The following ASIC4 variants were observed in gnomAD, a reference collection of about 807,000 sequenced individuals.
ASIC4 encodes acid-sensing ion channel 4.
In ASIC4, 28 loss-of-function variants were observed where a neutral mutation model predicts 53.4. The observed-to-expected ratio is 0.52, with a 90% confidence interval of 0.39 to 0.72. The LOEUF is 0.72. Ranked by LOEUF, ASIC4 falls within the 30% of genes least tolerant of loss-of-function variation. The pLI, the probability that ASIC4 is intolerant of heterozygous loss-of-function variation, is 0.00. For synonymous variants in ASIC4, 289 were observed against 301.4 expected, an observed-to-expected ratio of 0.96 and a Z score of 0.43; for missense variants, 649 against 729.7, an observed-to-expected ratio of 0.89 and a Z score of 1.27.
chr2:219,537,462 G>A lies in ASIC4; in HGVS notation c.1401+141G>A, dbSNP rs73993406. On this transcript the variant is annotated intron_variant, in intron 8 of 9. Coordinates refer to ENST00000358078, the MANE Select transcript of ASIC4 (RefSeq NM_018674.6). The surrounding 1 kb of genome is among the most constrained non-coding windows in gnomAD (Gnocchi z 4.9). ...GCCAGGGTCCCCTGACTGGCTGGCA[G>A]GCCTGAGGGCTCAGAGTCAGGAGAA... The A allele has an allele frequency of 3.1e-4, 353 of 1,141,774 alleles. 2 individuals are homozygous for A. In the African/African-American group the frequency reaches 5.1e-3, roughly 17 times the overall value. 70.7% of individuals were successfully genotyped at this position (1,141,774 alleles called of 1,614,324 possible).
At position 219,537,771 on chromosome 2, in the gene ASIC4, CCA is replaced by C. The variant is rs1559121388; in HGVS notation, c.1506+39_1506+40del. ...AGCTCTAAATGCCTGCAGCATGCAGCCACACCTCCCCAGGACTGAATACATCC... is the reference window on the plus strand; with the variant it reads ...AGCTCTAAATGCCTGCAGCATGCAGCCACCTCCCCAGGACTGAATACATCC... On this transcript the variant is annotated intron_variant, in intron 9 of 9. Coordinates refer to ENST00000358078, the MANE Select transcript of ASIC4 (RefSeq NM_018674.6). This position sits in a 1 kb window ranked among gnomAD's most constrained non-coding sequence, Gnocchi z 4.9. 1.9e-6 allele frequency: 3 copies of C among 1,579,704 alleles called. No individual in the cohort carries two copies. The Admixed American group carries it at 5.3e-5, about 28-fold the overall frequency.
rs1359930485 is a variant in ASIC4 at position 219,538,536 on chromosome 2, C to T, written c.*490C>T. On this transcript the variant is annotated 3_prime_UTR_variant, in exon 10 of 10. Coordinates refer to ENST00000358078, the MANE Select transcript of ASIC4 (RefSeq NM_018674.6). ...TGGGCTGGTCCTACTTCCTGCCCCT[C>T]TCCAGGCCCAGCTCCCCTCTTGGCA... The T allele has an allele frequency of 6.1e-6, 1 of 163,708 alleles. No homozygotes were observed. The highest frequency in any genetic ancestry group is 5.7e-5 in the Admixed American group (1 of 17,488). The allele number at this position is 163,708 out of a possible 1,614,324, so 10.1% of individuals were successfully genotyped here.
intron 1 of ASIC4, among the ~76,000 whole-genome samples, chr2:219,530,810 GC>G (rs1695030423): frequency 6.6e-6 from 1 of 152,180 alleles, no homozygotes; most frequent in African/African-American, 2.4e-5. Flanking sequence ...GCAGGCAAGG[GC>G]CACATCACAT....
At chr2:219,521,259 C>T (rs895684829) in intron 1 of ASIC4, among the ~76,000 whole-genome samples, 6 of 152,228 alleles carry the variant, frequency 3.9e-5, no homozygotes, top group East Asian at 1.9e-4. Flanking sequence ...TCAGCAGCCC[C>T]GTGGCCTCTT....
intron 5 of ASIC4, chr2:219,533,418 G>GATA: frequency 5.5e-6 from 1 of 181,018 alleles, no homozygotes; most frequent in South Asian, 1.4e-4. Flanking sequence ...GGTGAGAGTG[G>GATA]GGGCGACAGC....
Position 219,531,857 on chromosome 2 carries a change from C to A in ASIC4, c.682C>A (p.Leu228Met), listed in dbSNP as rs1695046976. ...CATGGGCAGTGGCCTGGAGATCATG[C>A]TGGACATCCAGCAGGAGGAGTACCT... is the stretch of plus-strand genomic sequence containing the variant. ...GGMGSGLEIM[L>M]DIQQEEYLPI... Residue 228 changes from leucine (L) to methionine (M), a missense_variant, in exon 2 of 10, where the codon CTG becomes ATG. Physicochemically the swap from Leu to Met is conservative, Grantham distance 15. Transcript: ENST00000358078. 1 of 1,613,462 alleles carries A rather than the reference C, an allele frequency of 6.2e-7. No individual in the cohort carries two copies. Among genetic ancestry groups the A allele is most frequent in the African/African-American group, 1.3e-5 (1 of 74,942 alleles).
chr2:219,514,182 G>T, upstream of ASIC4: 1 of 868,568 alleles, frequency 1.2e-6, no homozygotes, highest in Non-Finnish European at 1.7e-6. Flanking sequence ...CCAGTGAGCG[G>T]CTAGGGTGCA....
upstream of ASIC4, chr2:219,514,347 C>G (rs1440744891): frequency 1.9e-6 from 3 of 1,544,990 alleles, no homozygotes; most frequent in Non-Finnish European, 1.7e-6. Flanking sequence ...GGAGCACATG[C>G]TGAGCGGAGC....
intron 1 of ASIC4, among the ~76,000 whole-genome samples, chr2:219,525,834 C>T (rs1694954264): frequency 6.6e-6 from 1 of 152,148 alleles, no homozygotes; most frequent in African/African-American, 2.4e-5. Flanking sequence ...TCCAGGGGTA[C>T]CTAAGAGAGA....
At chr2:219,532,649 C>A in intron 4 of ASIC4, 172 bp downstream of exon 4, 2 of 994,588 alleles carry the variant, frequency 2.0e-6, no homozygotes, top group Non-Finnish European at 2.9e-6. Flanking sequence ...TTCACATATG[C>A]ATGTGGGAAT....
At chr2:219,511,397 C>A (rs1038522517), upstream of ASIC4, among the ~76,000 whole-genome samples, 3 of 150,914 alleles carry the variant, frequency 2.0e-5, no homozygotes, top group Non-Finnish European at 3.0e-5. This position sits in a 1 kb window ranked among gnomAD's most constrained non-coding sequence, Gnocchi z 5.3. Flanking sequence ...GCACTGCCCC[C>A]CCCCCACATT....
chr2:219,530,314 G>A (rs1025061323), intron 1 of ASIC4, among the ~76,000 whole-genome samples: 3 of 152,260 alleles, frequency 2.0e-5, no homozygotes. Context: ...ATCCCCAGCG[G>A]GAGCCTGGGC....
upstream of ASIC4, among the ~76,000 whole-genome samples, chr2:219,511,112 A>G (rs1356531761): frequency 6.6e-6 from 1 of 152,066 alleles, no homozygotes; most frequent in Admixed American, 6.5e-5. This position sits in a 1 kb window ranked among gnomAD's most constrained non-coding sequence, Gnocchi z 5.3. Context: ...CTCTGGGTGC[A>G]GGGGGAGGGA....
rs114256723 is a variant in ASIC4 at position 219,515,358 on chromosome 2, G to T, written c.582+52G>T. 1.9e-6 allele frequency: 3 copies of T among 1,563,536 alleles called. No individual in the cohort carries two copies. In the African/African-American group the frequency reaches 4.0e-5, roughly 21 times the overall value. On this transcript the variant is annotated intron_variant, in intron 1 of 9. Coordinates refer to ENST00000358078, the MANE Select transcript of ASIC4 (RefSeq NM_018674.6). ...GCCTTGGATGGCCGGAGGCTGGGGA[G>T]TGGGGAGGAGTGGTGGCAGTGGTGT...
rs923700913 is a variant in ASIC4, at chr2:219,517,321, A to G, written c.582+2015A>G. On this transcript the variant is annotated intron_variant, in intron 1 of 9. Coordinates refer to ENST00000358078, the MANE Select transcript of ASIC4 (RefSeq NM_018674.6). This position sits in a 1 kb window ranked among gnomAD's most constrained non-coding sequence, Gnocchi z 4.2. ...CTGGAGGAGTGTGGGTGGATTTCCC[A>G]CAGGCCCTCTGGTACCCTGGGGCTG... is the stretch of plus-strand genomic sequence containing the variant. The G allele has an allele frequency of 1.3e-5, 2 of 152,446 alleles. No homozygotes were observed. The highest frequency in any genetic ancestry group is 4.8e-5 in the African/African-American group (2 of 41,406). The allele number at this position is 152,446 out of a possible 1,614,324, so 9.4% of individuals were successfully genotyped here. A position where few individuals can be genotyped will look rare whatever the true frequency, so the allele number is the denominator to read the frequency against.
chr2:219,535,116 G>A (rs896428301), intron 5 of ASIC4, 55 bp from the exon 6 acceptor site: 34 of 1,566,598 alleles, frequency 2.2e-5, no homozygotes, highest in Non-Finnish European at 2.8e-5. Flanking sequence ...CAGCTGGTGG[G>A]CCACTGGACC....
At chr2:219,530,277 C>T (rs899608515) in intron 1 of ASIC4, among the ~76,000 whole-genome samples, 4 of 152,266 alleles carry the variant, frequency 2.6e-5, no homozygotes, top group Non-Finnish European at 4.4e-5. Context: ...CCACCCCTGC[C>T]GCTGCGCAGC....
chr2:219,514,522 G>GGCA lies in ASIC4; in HGVS notation c.-199_-197dup, dbSNP rs1422773597. The GGCA allele has an allele frequency of 6.4e-7, 1 of 1,551,784 alleles. No individual in the cohort carries two copies. The highest frequency in any genetic ancestry group is 1.2e-5 in the South Asian group (1 of 84,196). On this transcript the variant is annotated 5_prime_UTR_variant, in exon 1 of 10. Coordinates refer to ENST00000358078, the MANE Select transcript of ASIC4 (RefSeq NM_018674.6). ...CGGCAGCAGAGGCAGCAGCGGCAGAGGCAGCACCAGGGCTGCGGAGCTGCT... is the reference window on the plus strand; with the variant it reads ...CGGCAGCAGAGGCAGCAGCGGCAGAGGCAGCAGCACCAGGGCTGCGGAGCTGCT...
chr2:219,532,954 C>A lies in ASIC4; in HGVS notation c.1075+15C>A, dbSNP rs781099358. 2.7e-5 allele frequency: 44 copies of A among 1,612,388 alleles called. No homozygotes were observed. Among genetic ancestry groups the A allele is most frequent in the Non-Finnish European group, 3.6e-5 (43 of 1,178,478 alleles). Reference sequence around the variant, plus strand: ...CCACACACTGGGTCCGTGCTGCCTACCCTTTCCTACCTCTCCATCAGCCTC... The same window carrying A: ...CCACACACTGGGTCCGTGCTGCCTAACCTTTCCTACCTCTCCATCAGCCTC... On this transcript the variant is annotated intron_variant, in intron 5 of 9. Coordinates refer to ENST00000358078, the MANE Select transcript of ASIC4 (RefSeq NM_018674.6).
Sources: gnomAD v4.1 joint callset for allele counts (sites outside exome capture counted in the v4.1 genomes callset) on GRCh38, gnomAD v4.1.1 for gene constraint, Gnocchi (gnomAD v3.1) non-coding constraint, MANE v1.5 for transcripts, NCBI Gene and HGNC (gene_info 2026-07-23, HGNC 2026-07-21) for gene names.